MARCHF1: variants seen among roughly 807,000 people sequenced by gnomAD.
MARCHF1 encodes the protein membrane associated ring-CH-type finger 1.
MARCHF1 carries 40 observed loss-of-function variants against 54.2 expected under a neutral mutation model. The ratio of observed to expected loss-of-function variants is 0.74; its 90% CI spans 0.57 to 0.96. The LOEUF is 0.96. MARCHF1 is among the 40% of genes least tolerant of loss of function. The probability of loss-of-function intolerance (pLI) is 0.00; values close to 1 mark genes in which losing one functional copy is unlikely to be tolerated. For synonymous variants in MARCHF1, 236 were observed against 236.3 expected (o/e 1.00, Z 0.01); for missense variants, 586 against 656.5 (o/e 0.89, Z 1.17).
At chr4:163,863,425 A>G (rs1278590701) in intron 3 of MARCHF1, among the ~76,000 whole-genome samples, 1 of 152,068 alleles carries the variant, frequency 6.6e-6, no homozygotes, top group East Asian at 1.9e-4. Context: ...TGAGAACAGA[A>G]CAATTAGACA....
intron 2 of MARCHF1, among the ~76,000 whole-genome samples, chr4:164,014,176 G>A (rs1293853480): frequency 6.9e-6 from 1 of 144,702 alleles, no homozygotes; most frequent in African/African-American, 2.6e-5. Flanking sequence ...TGGAGACAGA[G>A]TGAGACTGCA....
At chr4:163,847,294 C>CA (rs1749512265) in intron 4 of MARCHF1, among the ~76,000 whole-genome samples, 1 of 152,116 alleles carries the variant, frequency 6.6e-6, no homozygotes, top group South Asian at 2.1e-4. Context: ...AAGATTATGA[C>CA]AAAATTAAAT....
intron 3 of MARCHF1, 114 bp from the exon 4 acceptor site, chr4:163,854,283 TA>T (rs575533813): frequency 3.8e-6 from 3 of 779,492 alleles, no homozygotes; most frequent in African/African-American, 1.8e-5. Flanking sequence ...GAGACTTTTT[TA>T]AAAAAACCAG....
intron 2 of MARCHF1, among the ~76,000 whole-genome samples, chr4:164,009,297 C>A (rs1488552190): frequency 6.6e-6 from 1 of 151,972 alleles, no homozygotes; most frequent in Admixed American, 6.5e-5. Context: ...TCAAATTGAG[C>A]CATAATAACA....
At chr4:164,026,535 C>A (rs961827401) in intron 2 of MARCHF1, among the ~76,000 whole-genome samples, 1 of 151,952 alleles carries the variant, frequency 6.6e-6, no homozygotes, top group Non-Finnish European at 1.5e-5. Context: ...ATAAAATCCA[C>A]CATCCCTTCA....
chr4:164,257,298 T>G (rs1433115744), intron 1 of MARCHF1, among the ~76,000 whole-genome samples: 3 of 152,048 alleles, frequency 2.0e-5, no homozygotes, highest in Non-Finnish European at 4.4e-5. Flanking sequence ...TTATCTTAAT[T>G]TTTTTTAAAA....
chr4:164,302,119 G>A (rs892805228), intron 1 of MARCHF1, among the ~76,000 whole-genome samples: 1 of 152,146 alleles, frequency 6.6e-6, no homozygotes, highest in Non-Finnish European at 1.5e-5. Flanking sequence ...TTGGAAAGTA[G>A]TGACGGAAAA....
intron 2 of MARCHF1, among the ~76,000 whole-genome samples, chr4:164,083,474 A>G (rs569479676): frequency 6.6e-6 from 1 of 152,244 alleles, no homozygotes; most frequent in African/African-American, 2.4e-5. Flanking sequence ...GGAATTGGTA[A>G]CAAGGGCTTG....
chr4:164,245,615 GAAGGAAATA>G (rs1732924831), intron 1 of MARCHF1, among the ~76,000 whole-genome samples: 1 of 151,954 alleles, frequency 6.6e-6, no homozygotes, highest in African/African-American at 2.4e-5. Flanking sequence ...TCAGGCAGGA[GAAGGAAATA>G]AAGGGTATTC....
chr4:164,202,790 T>G, intron 1 of MARCHF1, among the ~76,000 whole-genome samples: 1 of 152,190 alleles, frequency 6.6e-6, no homozygotes, highest in East Asian at 1.9e-4. Flanking sequence ...TCATAAAACA[T>G]AAAAGCATCC....
intron 2 of MARCHF1, among the ~76,000 whole-genome samples, chr4:164,083,913 T>C (rs1755147824): frequency 6.6e-6 from 1 of 152,090 alleles, no homozygotes; most frequent in African/African-American, 2.4e-5. Flanking sequence ...TCATTAGCCA[T>C]ACTTCTTGCA....
chr4:163,855,365 T>A (rs1749743284), intron 3 of MARCHF1, among the ~76,000 whole-genome samples: 1 of 152,166 alleles, frequency 6.6e-6, no homozygotes, highest in African/African-American at 2.4e-5. Flanking sequence ...GGCAACAAAT[T>A]ATTAGTGCTT....
At chr4:164,137,580 C>A (rs1235472080) in intron 1 of MARCHF1, among the ~76,000 whole-genome samples, 2 of 151,942 alleles carry the variant, frequency 1.3e-5, no homozygotes, top group African/African-American at 4.8e-5. Flanking sequence ...GGGTTAACAT[C>A]TAATAATAAA....
intron 1 of MARCHF1, among the ~76,000 whole-genome samples, chr4:164,119,928 T>G (rs1029220532): frequency 6.6e-5 from 10 of 151,846 alleles, no homozygotes; most frequent in Non-Finnish European, 1.3e-4. Context: ...GACCTAATAA[T>G]GCCAATAGTA....
intron 3 of MARCHF1, among the ~76,000 whole-genome samples, chr4:163,902,890 A>C (rs1364039031): frequency 1.3e-5 from 2 of 152,170 alleles, no homozygotes; most frequent in Non-Finnish European, 2.9e-5. Flanking sequence ...CCTGTTATAT[A>C]GCTCCATAGA....
intron 1 of MARCHF1, among the ~76,000 whole-genome samples, chr4:164,302,605 C>T (rs938834492): frequency 6.6e-6 from 1 of 152,058 alleles, no homozygotes; most frequent in African/African-American, 2.4e-5. Flanking sequence ...CAGTTGGGCA[C>T]TGTGGCTAAC....
chr4:164,017,571 A>G (rs1579463855), intron 2 of MARCHF1, among the ~76,000 whole-genome samples: 1 of 151,984 alleles, frequency 6.6e-6, no homozygotes, highest in Non-Finnish European at 1.5e-5. Context: ...TTACAATAGC[A>G]TCTAAACCAA....
chr4:164,136,284 A>AT (rs1560920917), intron 1 of MARCHF1, among the ~76,000 whole-genome samples: 1 of 151,442 alleles, frequency 6.6e-6, no homozygotes, highest in African/African-American at 2.4e-5. Flanking sequence ...AAAAAAAAAA[A>AT]AAAAAGCCAA....
At chr4:164,223,366 T>C (rs1032890623) in intron 1 of MARCHF1, among the ~76,000 whole-genome samples, 1 of 151,996 alleles carries the variant, frequency 6.6e-6, no homozygotes, top group African/African-American at 2.4e-5. Context: ...TGCAAATATA[T>C]ATATATGGTG....
Sources: allele counts gnomAD v4.1 joint callset (sites outside exome capture counted in the v4.1 genomes callset), GRCh38; gene constraint gnomAD v4.1.1; transcripts MANE v1.5; gene names NCBI Gene and HGNC (gene_info 2026-07-23, HGNC 2026-07-21).